ERC2: variants seen among roughly 807,000 people sequenced by gnomAD.
ERC2 encodes ELKS/RAB6-interacting/CAST family member 2.
A neutral mutation model predicts 114.8 loss-of-function variants in ERC2; 42 were observed. The ratio of observed to expected loss-of-function variants is 0.37; its 90% CI spans 0.29 to 0.47. The LOEUF (loss-of-function observed/expected upper bound fraction) is 0.47, where lower values mean the gene tolerates loss of function less well. ERC2 is among the 20% of genes least tolerant of loss of function. The probability of loss-of-function intolerance (pLI) is 0.99; values close to 1 mark genes in which losing one functional copy is unlikely to be tolerated. For missense variants in ERC2, 939 were observed against 1,150.7 expected (o/e 0.82, Z 2.66); for synonymous variants, 454 against 425.5 (o/e 1.07, Z -0.82).
At chr3:55,996,537 A>G (rs1365908965) in intron 10 of ERC2, among the ~76,000 whole-genome samples, 2 of 152,140 alleles carry the variant, frequency 1.3e-5, no homozygotes. Flanking sequence ...ATAGAAACAC[A>G]AAAAAATGGG....
At chr3:55,691,000 C>T (rs979730944) in intron 16 of ERC2, among the ~76,000 whole-genome samples, 1 of 152,204 alleles carries the variant, frequency 6.6e-6, no homozygotes, top group Non-Finnish European at 1.5e-5. Flanking sequence ...AAATACCTCC[C>T]ACAACAACAG....
At chr3:56,419,627 T>C (rs1363207266) in intron 2 of ERC2, among the ~76,000 whole-genome samples, 1 of 152,246 alleles carries the variant, frequency 6.6e-6, no homozygotes, top group African/African-American at 2.4e-5. Context: ...AATGAAGACA[T>C]GTCTCATATT....
intron 17 of ERC2, among the ~76,000 whole-genome samples, chr3:55,631,171 C>T (rs1378689724): frequency 6.6e-6 from 1 of 150,916 alleles, no homozygotes; most frequent in East Asian, 1.9e-4. Flanking sequence ...TTTTTTTTTT[C>T]CCCAAGCAAT....
chr3:55,675,512 G>A (rs532554108), intron 17 of ERC2, among the ~76,000 whole-genome samples: 2 of 152,288 alleles, frequency 1.3e-5, no homozygotes, highest in Admixed American at 6.5e-5. Context: ...GCCATAATAT[G>A]TGCTCTGATT....
At chr3:56,053,053 T>C (rs1159412842) in intron 7 of ERC2, among the ~76,000 whole-genome samples, 1 of 152,112 alleles carries the variant, frequency 6.6e-6, no homozygotes, top group Admixed American at 6.5e-5. Context: ...GCAAAGTGAC[T>C]GATGAAAAAC....
intron 17 of ERC2, among the ~76,000 whole-genome samples, chr3:55,585,991 G>C (rs1030007941): frequency 6.6e-6 from 1 of 152,208 alleles, no homozygotes; most frequent in Non-Finnish European, 1.5e-5. Flanking sequence ...CCACAGGAGG[G>C]AAGGCTCCAG....
At chr3:56,284,304 G>A (rs773562197) in intron 3 of ERC2, among the ~76,000 whole-genome samples, 1 of 152,180 alleles carries the variant, frequency 6.6e-6, no homozygotes, top group East Asian at 1.9e-4. Context: ...GATTTTTAAC[G>A]TGTTATGCAT....
At chr3:56,389,829 C>T (rs766557871) in intron 2 of ERC2, among the ~76,000 whole-genome samples, 2 of 152,122 alleles carry the variant, frequency 1.3e-5, no homozygotes, top group Non-Finnish European at 2.9e-5. Context: ...CTTGAAGAAC[C>T]CGGCAGGAAT....
At chr3:56,352,214 G>A (rs999646298) in intron 2 of ERC2, among the ~76,000 whole-genome samples, 3 of 152,154 alleles carry the variant, frequency 2.0e-5, no homozygotes, top group African/African-American at 7.2e-5. Flanking sequence ...TAGACTGGAG[G>A]CAGGTCAAGA....
At chr3:56,213,491 C>A (rs532559905) in intron 3 of ERC2, among the ~76,000 whole-genome samples, 87 of 152,296 alleles carry the variant, frequency 5.7e-4, no homozygotes, top group African/African-American at 2.0e-3. Flanking sequence ...ATTGCTGAGG[C>A]TTGAGTAGGT....
chr3:55,977,198 C>T (rs2069658289), intron 12 of ERC2, among the ~76,000 whole-genome samples: 1 of 152,150 alleles, frequency 6.6e-6, no homozygotes, highest in Non-Finnish European at 1.5e-5. Flanking sequence ...TAAAAGAAAC[C>T]ACAGGACAAT....
intron 2 of ERC2, among the ~76,000 whole-genome samples, chr3:56,358,952 A>G (rs2058845394): frequency 6.6e-6 from 1 of 152,244 alleles, no homozygotes; most frequent in Non-Finnish European, 1.5e-5. Flanking sequence ...AGAAGAGCTG[A>G]AAGAGAATGA....
intron 17 of ERC2, among the ~76,000 whole-genome samples, chr3:55,562,322 T>G (rs1270639987): frequency 6.6e-6 from 1 of 152,018 alleles, no homozygotes; most frequent in Non-Finnish European, 1.5e-5. Context: ...CCAGCTAATT[T>G]TTGTATTTTT....
At chr3:56,299,420 G>A (rs1385790568) in intron 2 of ERC2, among the ~76,000 whole-genome samples, 14 of 148,462 alleles carry the variant, frequency 9.4e-5, no homozygotes, top group Non-Finnish European at 1.6e-4. Flanking sequence ...GAGCCACCAC[G>A]CCCAGCTAAT....
chr3:55,656,331 A>AT (rs1322187916), intron 17 of ERC2, among the ~76,000 whole-genome samples: 1 of 151,746 alleles, frequency 6.6e-6, no homozygotes, highest in Non-Finnish European at 1.5e-5. Context: ...TTTACTTTTT[A>AT]TTTTTTGTAG....
chr3:55,751,066 G>C (rs568509058), intron 14 of ERC2, among the ~76,000 whole-genome samples: 9 of 152,312 alleles, frequency 5.9e-5, no homozygotes, highest in Middle Eastern at 3.4e-3. Context: ...GACTTCCACG[G>C]TCTGGAAAAC....
intron 13 of ERC2, among the ~76,000 whole-genome samples, chr3:55,922,589 T>A (rs754631004): frequency 1.3e-5 from 2 of 152,082 alleles, no homozygotes; most frequent in Non-Finnish European, 2.9e-5. Context: ...CCCATTTTAC[T>A]TAGAATCTTT....
At chr3:56,260,209 CTA>C (rs1233607911) in intron 3 of ERC2, among the ~76,000 whole-genome samples, 1 of 152,158 alleles carries the variant, frequency 6.6e-6, no homozygotes, top group African/African-American at 2.4e-5. Context: ...AAAGCAAGCT[CTA>C]TGAGAATGTT....
intron 17 of ERC2, among the ~76,000 whole-genome samples, chr3:55,549,909 A>G (rs1344736369): frequency 7.5e-6 from 1 of 133,580 alleles, no homozygotes. Flanking sequence ...TCTGCCCCCA[A>G]CCCCCCTCCC....
Sources: gnomAD v4.1 joint callset for allele counts (sites outside exome capture counted in the v4.1 genomes callset) on GRCh38, gnomAD v4.1.1 for gene constraint, MANE v1.5 for transcripts, NCBI Gene and HGNC (gene_info 2026-07-23, HGNC 2026-07-21) for gene names.